The following HS3ST4 variants were observed in gnomAD, a reference collection of about 807,000 sequenced individuals.
HS3ST4 encodes heparan sulfate glucosamine 3-O-sulfotransferase 4.
In HS3ST4, 17 loss-of-function variants were observed where a neutral mutation model predicts 29.2. The observed-to-expected ratio is 0.58, with a 90% CI of 0.40 to 0.87. HS3ST4 has a LOEUF of 0.87. Ranked by LOEUF, HS3ST4 falls within the 40% of genes least tolerant of loss-of-function variation. The probability of loss-of-function intolerance (pLI) is 0.00; values close to 1 mark genes in which losing one functional copy is unlikely to be tolerated. For missense variants in HS3ST4, 627 were observed against 634.5 expected, an observed-to-expected ratio of 0.99 and a Z score of 0.13; for synonymous variants, 314 against 285.7, an observed-to-expected ratio of 1.10 and a Z score of -1.00.
chr16:26,102,054 A>G (rs1321269516), intron 1 of HS3ST4, among the ~76,000 whole-genome samples: 1 of 152,152 alleles, frequency 6.6e-6, no homozygotes, highest in Non-Finnish European at 1.5e-5. Context: ...CCCTTCCTTC[A>G]TAGATATAAC....
intron 1 of HS3ST4, among the ~76,000 whole-genome samples, chr16:25,721,609 C>A (rs1043897983): frequency 1.3e-5 from 2 of 152,116 alleles, no homozygotes; most frequent in African/African-American, 4.8e-5. Context: ...AGCCCGTCAG[C>A]GTATTTATGC....
chr16:25,860,690 A>T (rs1239317719), intron 1 of HS3ST4, among the ~76,000 whole-genome samples: 1 of 152,198 alleles, frequency 6.6e-6, no homozygotes, highest in Non-Finnish European at 1.5e-5. Context: ...TAGTAAAATG[A>T]TCAGTGGTGG....
At chr16:25,909,777 T>C (rs4787783) in intron 1 of HS3ST4, among the ~76,000 whole-genome samples, 16,512 of 152,308 alleles carry the variant, frequency 0.11, 1,103 homozygotes, top group Non-Finnish European at 0.15. Context: ...TGTCTTGCTT[T>C]ATTTAATGAG....
chr16:25,988,448 C>T (rs567005777), intron 1 of HS3ST4, among the ~76,000 whole-genome samples: 1 of 152,308 alleles, frequency 6.6e-6, no homozygotes, highest in South Asian at 2.1e-4. Context: ...CTTTCTACTG[C>T]ATAGACTCAT....
chr16:25,821,932 A>G (rs1967161701), intron 1 of HS3ST4, among the ~76,000 whole-genome samples: 1 of 152,176 alleles, frequency 6.6e-6, no homozygotes, highest in Non-Finnish European at 1.5e-5. Flanking sequence ...TGGCAGTCAC[A>G]GCAGTGGAGC....
intron 1 of HS3ST4, among the ~76,000 whole-genome samples, chr16:25,977,578 C>T (rs751982490): frequency 6.6e-6 from 1 of 152,174 alleles, no homozygotes; most frequent in African/African-American, 2.4e-5. Flanking sequence ...TGGTTTCCCC[C>T]ATAGAATCAC....
chr16:25,807,807 T>C (rs1008487376), intron 1 of HS3ST4, among the ~76,000 whole-genome samples: 3 of 152,194 alleles, frequency 2.0e-5, no homozygotes, highest in Admixed American at 6.5e-5. Context: ...CTTGCCAGTA[T>C]TGGAGTTGTC....
chr16:26,029,388 C>T (rs1161168040), intron 1 of HS3ST4, among the ~76,000 whole-genome samples: 1 of 152,002 alleles, frequency 6.6e-6, no homozygotes, highest in Non-Finnish European at 1.5e-5. Flanking sequence ...GAACAAGGGT[C>T]CCCACACTTC....
At chr16:25,960,954 G>A (rs1968787985) in intron 1 of HS3ST4, among the ~76,000 whole-genome samples, 1 of 152,180 alleles carries the variant, frequency 6.6e-6, no homozygotes, top group Non-Finnish European at 1.5e-5. Context: ...GAGAACCTCA[G>A]AGAATTAAGC....
At chr16:26,020,140 T>C (rs1969399176) in intron 1 of HS3ST4, among the ~76,000 whole-genome samples, 1 of 152,134 alleles carries the variant, frequency 6.6e-6, no homozygotes, top group African/African-American at 2.4e-5. Context: ...GCAGAGCTTC[T>C]GGAAAAAGGT....
chr16:25,776,505 T>C (rs934392341), intron 1 of HS3ST4, among the ~76,000 whole-genome samples: 4 of 152,182 alleles, frequency 2.6e-5, no homozygotes, highest in African/African-American at 9.7e-5. Context: ...CATGTCTCCC[T>C]AAAATGTACA....
intron 1 of HS3ST4, among the ~76,000 whole-genome samples, chr16:25,866,070 A>G (rs1967691793): frequency 6.6e-6 from 1 of 152,224 alleles, no homozygotes; most frequent in African/African-American, 2.4e-5. Context: ...CAAACTATCC[A>G]TTTGTAATCT....
At chr16:25,932,889 G>A (rs953085568) in intron 1 of HS3ST4, among the ~76,000 whole-genome samples, 1 of 152,182 alleles carries the variant, frequency 6.6e-6, no homozygotes, top group Non-Finnish European at 1.5e-5. Flanking sequence ...GTGAAATTTA[G>A]GTGCTGAGTT....
chr16:26,080,662 A>G (rs565641883), intron 1 of HS3ST4, among the ~76,000 whole-genome samples: 1 of 152,284 alleles, frequency 6.6e-6, no homozygotes, highest in South Asian at 2.1e-4. Flanking sequence ...CAGCCAAGGG[A>G]CAAGGGAGCT....
chr16:25,871,142 G>A (rs539657812), intron 1 of HS3ST4, among the ~76,000 whole-genome samples: 28 of 152,298 alleles, frequency 1.8e-4, no homozygotes, highest in African/African-American at 6.5e-4. Context: ...TTGGAGGAAA[G>A]CCTGTGAAGG....
intron 1 of HS3ST4, among the ~76,000 whole-genome samples, chr16:25,767,131 A>T (rs1215854220): frequency 6.6e-6 from 1 of 152,232 alleles, no homozygotes; most frequent in Non-Finnish European, 1.5e-5. Context: ...CTGCCTTTAA[A>T]TTCCCATAGC....
At chr16:25,768,981 A>C (rs952363152) in intron 1 of HS3ST4, among the ~76,000 whole-genome samples, 1 of 151,702 alleles carries the variant, frequency 6.6e-6, no homozygotes, top group Admixed American at 6.6e-5. Context: ...CCTTTGGTCC[A>C]CTCCACTCAC....
chr16:26,124,068 G>T (rs961100381), intron 1 of HS3ST4, among the ~76,000 whole-genome samples: 8 of 152,024 alleles, frequency 5.3e-5, no homozygotes, highest in African/African-American at 1.9e-4. Flanking sequence ...TTACAGGCAG[G>T]TGCCACCACA....
intron 1 of HS3ST4, among the ~76,000 whole-genome samples, chr16:25,744,726 G>T (rs981091792): frequency 6.6e-5 from 10 of 152,134 alleles, no homozygotes; most frequent in Non-Finnish European, 1.5e-4. Flanking sequence ...AATCACAGGG[G>T]CAGGTCTTTC....
Sources: gnomAD v4.1 joint callset for allele counts (sites outside exome capture counted in the v4.1 genomes callset) on GRCh38, gnomAD v4.1.1 for gene constraint, MANE v1.5 for transcripts, NCBI Gene and HGNC (gene_info 2026-07-23, HGNC 2026-07-21) for gene names.